Variants in PITPNC1 observed in about 807,000 individuals in gnomAD.
The protein encoded by PITPNC1 is cytoplasmic phosphatidylinositol transfer protein 1.
PITPNC1 carries 18 observed loss-of-function variants against 44.7 expected under a neutral mutation model. The ratio of observed to expected loss-of-function variants is 0.40; its 90% CI spans 0.28 to 0.60. The LOEUF (loss-of-function observed/expected upper bound fraction) is 0.60. Ranked by LOEUF, PITPNC1 falls within the 20% of genes least tolerant of loss-of-function variation. The pLI is 0.39. For missense variants in PITPNC1, 290 were observed against 418.4 expected (o/e 0.69, Z 2.68); for synonymous variants, 141 against 149.6 (o/e 0.94, Z 0.42).
chr17:67,690,918 C>T (rs1341478933), intron 8 of PITPNC1, among the ~76,000 whole-genome samples: 1 of 152,046 alleles, frequency 6.6e-6, no homozygotes, highest in Non-Finnish European at 1.5e-5. Context: ...GCCTGGCCAA[C>T]ATGGTGAAAC....
At chr17:67,429,442 G>A (rs1273003276) in intron 1 of PITPNC1, among the ~76,000 whole-genome samples, 2 of 151,030 alleles carry the variant, frequency 1.3e-5, no homozygotes, top group African/African-American at 2.4e-5. Context: ...GCTCATACCC[G>A]TAACCCCAGC....
At chr17:67,590,061 T>G (rs558396706) in intron 5 of PITPNC1, among the ~76,000 whole-genome samples, 1 of 151,720 alleles carries the variant, frequency 6.6e-6, no homozygotes, top group South Asian at 2.1e-4. Context: ...ACAGTGGGGG[T>G]GTGTGGAAAC....
chr17:67,643,576 G>A (rs183279184), intron 6 of PITPNC1, among the ~76,000 whole-genome samples: 1 of 152,322 alleles, frequency 6.6e-6, no homozygotes, highest in Non-Finnish European at 1.5e-5. Flanking sequence ...CCCAACTTGT[G>A]TGCTCTGTGT....
chr17:67,398,677 C>G (rs1224680158), intron 1 of PITPNC1, among the ~76,000 whole-genome samples: 1 of 152,042 alleles, frequency 6.6e-6, no homozygotes, highest in Non-Finnish European at 1.5e-5. Flanking sequence ...CCACCAGTGA[C>G]CGGGATCTTT....
chr17:67,427,500 C>G (rs561374654), intron 1 of PITPNC1, among the ~76,000 whole-genome samples: 16 of 152,316 alleles, frequency 1.1e-4, no homozygotes, highest in African/African-American at 3.8e-4. Context: ...GCATGAGCCA[C>G]TGCACCCAGC....
At chr17:67,640,217 G>A (rs1243943668) in intron 6 of PITPNC1, among the ~76,000 whole-genome samples, 2 of 152,162 alleles carry the variant, frequency 1.3e-5, no homozygotes, top group Non-Finnish European at 2.9e-5. Context: ...ACTGGGATGG[G>A]GAGAAGTCCC....
chr17:67,676,716 A>T lies in PITPNC1; in HGVS notation c.682+1174A>T, dbSNP rs1181575577. On this transcript the variant is annotated intron_variant, in intron 8 of 8. Transcript: ENST00000581322. This position sits in a 1 kb window ranked among gnomAD's most constrained non-coding sequence, Gnocchi z 4.0. ...TCTGAGCAGAAGGTACCAAAGTAAA[A>T]GGACACGTTAGACGGAAGGGGCAAA... 2.6e-5 allele frequency among the ~76,000 whole-genome samples: 4 copies of T among 152,216 alleles called. No individual in the cohort carries two copies. The highest frequency in any genetic ancestry group is 4.4e-5 in the Non-Finnish European group (3 of 68,042).
At chr17:67,523,771 T>A (rs1361476654) in intron 1 of PITPNC1, among the ~76,000 whole-genome samples, 5 of 148,856 alleles carry the variant, frequency 3.4e-5, no homozygotes, top group Admixed American at 3.4e-4. Context: ...TAATTACTAG[T>A]GCTCCACCTC....
At chr17:67,510,554 G>A (rs1272648729) in intron 1 of PITPNC1, among the ~76,000 whole-genome samples, 3 of 152,028 alleles carry the variant, frequency 2.0e-5, no homozygotes, top group Middle Eastern at 3.2e-3. Flanking sequence ...TGACCGCCTC[G>A]GCCTCCCAAA....
At chr17:67,655,650 T>G (rs59819495) in intron 6 of PITPNC1, among the ~76,000 whole-genome samples, 2 of 150,844 alleles carry the variant, frequency 1.3e-5, no homozygotes, top group African/African-American at 2.4e-5. Context: ...TTTCAACATA[T>G]GGGTTGGGTT....
chr17:67,657,025 A>G (rs1436278867), intron 6 of PITPNC1, among the ~76,000 whole-genome samples: 2 of 152,210 alleles, frequency 1.3e-5, no homozygotes, highest in Admixed American at 1.3e-4. Flanking sequence ...GACTTCATAA[A>G]GAATGGGTCT....
At chr17:67,581,817 G>A (rs2041238548) in intron 5 of PITPNC1, among the ~76,000 whole-genome samples, 1 of 152,144 alleles carries the variant, frequency 6.6e-6, no homozygotes, top group African/African-American at 2.4e-5. Context: ...GTGGATACCT[G>A]AGGTCAGGAG....
At chr17:67,428,990 T>C (rs1314797470) in intron 1 of PITPNC1, among the ~76,000 whole-genome samples, 1 of 151,212 alleles carries the variant, frequency 6.6e-6, no homozygotes, top group African/African-American at 2.4e-5. Flanking sequence ...ACAGGCATAG[T>C]GCCACCACGC....
At chr17:67,378,900 C>A in intron 1 of PITPNC1, 2 of 838,844 alleles carry the variant, frequency 2.4e-6, no homozygotes, top group South Asian at 5.4e-5. Context: ...CACAGGAGGG[C>A]GCTCCAGCAC....
At chr17:67,614,257 G>A (rs2041728864) in intron 5 of PITPNC1, among the ~76,000 whole-genome samples, 2 of 151,964 alleles carry the variant, frequency 1.3e-5, no homozygotes. Context: ...ACCCAGTGAG[G>A]GACGAACTGA....
At chr17:67,428,851 T>TTTC (rs1400505683) in intron 1 of PITPNC1, among the ~76,000 whole-genome samples, 1 of 147,684 alleles carries the variant, frequency 6.8e-6, no homozygotes, top group Admixed American at 6.7e-5. Context: ...TTTTTTTTTT[T>TTTC]TTTTTTTGAG....
In PITPNC1 at chr17:67,428,458, T is replaced by G. The variant is rs149361143; in HGVS notation, c.48+50256T>G. Among the ~76,000 whole-genome samples the G allele has an allele frequency of 6.5e-3, 994 of 151,830 alleles. 15 individuals are homozygous for G. Among genetic ancestry groups the G allele is most frequent in the African/African-American group, 0.023 (937 of 41,376 alleles). On this transcript the variant is annotated intron_variant, in intron 1 of 8. Transcript: ENST00000581322. ...GAGAGGCTAAGGTGGGAGGATTCCT[T>G]GAGCCCAGGAGGATGAGGCTGCAGA... is the stretch of plus-strand genomic sequence containing the variant.
At chr17:67,438,681 T>C (rs2038970697) in intron 1 of PITPNC1, among the ~76,000 whole-genome samples, 1 of 152,192 alleles carries the variant, frequency 6.6e-6, no homozygotes. Context: ...TACCATCCAG[T>C]TTTCTGGACT....
chr17:67,632,164 G>A lies in PITPNC1; in HGVS notation c.388G>A (p.Asp130Asn). The stretch of plus-strand genomic sequence containing the variant: ...TCAGATTTTCGACAATGAAGCCAAA[G>A]ACGTGGAGAGAGAAGTTTGCTTTAT... ...NDTIFDNEAKDVEREVCFIDI... is the reference protein window; with the variant it reads ...NDTIFDNEAKNVEREVCFIDI... The change falls in exon 6 of 9, where the codon GAC (aspartate) becomes AAC (asparagine). Residue 130 changes from aspartate (D) to asparagine (N), a missense_variant. By Grantham distance (23) the Asp-to-Asn change is conservative. Coordinates refer to ENST00000581322, the MANE Select transcript of PITPNC1 (RefSeq NM_012417.4). 1 of 1,612,554 alleles carries A rather than the reference G, an allele frequency of 6.2e-7. No individual in the cohort carries two copies. Among genetic ancestry groups the A allele is most frequent in the Non-Finnish European group, 8.5e-7 (1 of 1,178,626 alleles).
Sources: gnomAD v4.1 joint callset for allele counts (sites outside exome capture counted in the v4.1 genomes callset) on GRCh38, gnomAD v4.1.1 for gene constraint, Gnocchi (gnomAD v3.1) non-coding constraint, MANE v1.5 for transcripts, NCBI Gene and HGNC (gene_info 2026-07-23, HGNC 2026-07-21) for gene names.